Variants in MYH9 observed in about 807,000 individuals in gnomAD.
MYH9 encodes myosin-9.
In MYH9, 29 loss-of-function variants were observed where a neutral mutation model predicts 241.9. That is an observed-to-expected ratio of 0.12 (90% CI 0.09 to 0.16). MYH9 has a LOEUF of 0.16. Ranked by LOEUF, MYH9 falls within the 10% of genes least tolerant of loss-of-function variation. The pLI, the probability that MYH9 is intolerant of heterozygous loss-of-function variation, is 1.00. For missense variants in MYH9, 1,803 were observed against 2,595.5 expected (o/e 0.69, Z 6.63); for synonymous variants, 1,047 against 1,062.6 (o/e 0.99, Z 0.29).
chr22:36,354,712 G>A lies in MYH9; in HGVS notation c.-19-5457C>T, dbSNP rs541828806. The stretch of plus-strand genomic sequence containing the variant: ...GCCTGCCTCGGCCTCCCAAAGTGCT[G>A]GGCTTACAGGCGTGAGCCACCGCAC... On this transcript the variant is annotated intron_variant, in intron 1 of 40. Transcript: ENST00000216181. Among the ~76,000 whole-genome samples the A allele has an allele frequency of 2.1e-3, 326 of 152,034 alleles. 6 individuals carry two copies. The highest frequency in any genetic ancestry group is 9.7e-4 in the East Asian group (5 of 5,170).
intron 35 of MYH9, 77 bp from the exon 36 acceptor site, chr22:36,286,030 TC>T: frequency 1.3e-6 from 2 of 1,529,814 alleles, no homozygotes; most frequent in Non-Finnish European, 8.9e-7. Context: ...CCAGGCACCC[TC>T]CCCTCAAGCC....
chr22:36,320,918 A>G lies in MYH9; in HGVS notation c.770-22T>C, dbSNP rs1305563052. The G allele has an allele frequency of 1.2e-6, 2 of 1,603,642 alleles. No homozygotes were observed. The highest frequency in any genetic ancestry group is 2.7e-5 in the African/African-American group (2 of 74,622). Reference sequence around the variant, plus strand: ...AGATCTTTGCAAATATTAAGGAGCAACACAAGCTGGGGAGAAGGCAAGCCC... The same window carrying G: ...AGATCTTTGCAAATATTAAGGAGCAGCACAAGCTGGGGAGAAGGCAAGCCC... On this transcript the variant is annotated intron_variant, in intron 7 of 40. Coordinates refer to ENST00000216181, the MANE Select transcript of MYH9 (RefSeq NM_002473.6). This position sits in a 1 kb window ranked among gnomAD's most constrained non-coding sequence, Gnocchi z 4.8.
intron 1 of MYH9, among the ~76,000 whole-genome samples, chr22:36,356,757 G>A (rs912030874): frequency 6.6e-6 from 1 of 152,176 alleles, no homozygotes; most frequent in Non-Finnish European, 1.5e-5. Context: ...GAGGTCGCGC[G>A]GCAGGACGGA....
intron 1 of MYH9, among the ~76,000 whole-genome samples, chr22:36,354,788 C>T (rs189010866): frequency 4.0e-5 from 6 of 151,884 alleles, no homozygotes; most frequent in African/African-American, 9.7e-5. Context: ...AGTGGAGTTA[C>T]GGGAGAAAAG....
intron 19 of MYH9, among the ~76,000 whole-genome samples, 180 bp downstream of exon 19, chr22:36,303,798 AAAAAAGAAAAAAAAAAG>A (rs2016925988): frequency 1.3e-5 from 2 of 151,550 alleles, no homozygotes; most frequent in African/African-American, 4.8e-5. Flanking sequence ...AAAAAAAAAA[AAAAAAGAAAAAAAAAAG>A]AACTGCCCGA....
rs1291405283 is a variant in MYH9 at position 36,285,363 on chromosome 22, C to A, written c.5275-34G>T. ...GAAGGGCCAGTGACCTTGGGGAGGG[C>A]TGGGGCCCTGGCTGGAGGGCATGAG... On this transcript the variant is annotated intron_variant, in intron 37 of 40. Transcript: ENST00000216181. This position sits in a 1 kb window ranked among gnomAD's most constrained non-coding sequence, Gnocchi z 7.0. 1 of 1,598,710 alleles carries A rather than the reference C, an allele frequency of 6.3e-7. No individual in the cohort carries two copies. The highest frequency in any genetic ancestry group is 1.7e-5 in the Admixed American group (1 of 60,012).
intron 35 of MYH9, among the ~76,000 whole-genome samples, chr22:36,286,231 C>T (rs2016578153): frequency 6.6e-6 from 1 of 152,222 alleles, no homozygotes; most frequent in South Asian, 2.1e-4. Context: ...CCAGGGAGAC[C>T]ACGTGGACAG....
chr22:36,321,213 G>A (rs1283507929), intron 7 of MYH9, among the ~76,000 whole-genome samples: 1 of 152,180 alleles, frequency 6.6e-6, no homozygotes, highest in African/African-American at 2.4e-5. Context: ...CCAAAGTGTT[G>A]GGATTACAGG....
At position 36,322,813 on chromosome 22, in the gene MYH9, G is replaced by A. The variant is rs2071731; in HGVS notation, c.613-292C>T. Among the ~76,000 whole-genome samples, 51,214 of 152,114 alleles carry A rather than the reference G, an allele frequency of 0.34. 9,542 individuals are homozygous for A. Among genetic ancestry groups the A allele is most frequent in the East Asian group, 0.83 (4,277 of 5,182 alleles). ...CAGCTCTAGGAACCTGGCCCTGGAC[G>A]ACCCATGTGAAAGCAGCACTTAAAC... On this transcript the variant is annotated intron_variant, in intron 5 of 40. Coordinates refer to ENST00000216181, the MANE Select transcript of MYH9 (RefSeq NM_002473.6).
intron 5 of MYH9, among the ~76,000 whole-genome samples, chr22:36,323,572 G>C (rs2146366402): frequency 6.6e-6 from 1 of 152,306 alleles, no homozygotes; most frequent in African/African-American, 2.4e-5. Flanking sequence ...AGAACTAGGA[G>C]GAGTAGGAGC....
In MYH9 at chr22:36,289,307, A is replaced by G. The variant is rs932069644; in HGVS notation, c.4345-10T>C. On this transcript the variant is annotated splice_polypyrimidine_tract_variant and intron_variant, in intron 31 of 40. Transcript: ENST00000216181. ...TCTCCTCCGCCAGGAGCTGGGAAAG[A>G]GGTGGGCACCATGAGGCTCAGAGCT... 4 of 1,603,468 alleles carry G rather than the reference A, an allele frequency of 2.5e-6. No individual in the cohort carries two copies. In the Admixed American group the frequency reaches 5.1e-5, roughly 20 times the overall value.
intron 40 of MYH9, 109 bp from the exon 41 acceptor site, chr22:36,282,894 G>C: frequency 2.0e-6 from 2 of 980,238 alleles, no homozygotes; most frequent in South Asian, 3.1e-5. Context: ...CCAGGTGCCT[G>C]GCTGCTCCCA....
intron 23 of MYH9, among the ~76,000 whole-genome samples, chr22:36,299,458 C>T (rs1054459249): frequency 9.9e-5 from 15 of 152,196 alleles, no homozygotes; most frequent in Non-Finnish European, 1.6e-4. Context: ...TTCAGCCCCG[C>T]GGTGCCCCGG....
intron 1 of MYH9, among the ~76,000 whole-genome samples, chr22:36,382,487 A>G (rs1307904595): frequency 1.3e-5 from 2 of 150,310 alleles, no homozygotes; most frequent in Non-Finnish European, 3.0e-5. Flanking sequence ...AAAACAAAAA[A>G]AAGAGTGCCT....
chr22:36,315,478 T>G (rs1027653575), intron 12 of MYH9, among the ~76,000 whole-genome samples: 3 of 152,134 alleles, frequency 2.0e-5, no homozygotes, highest in Non-Finnish European at 4.4e-5. Context: ...CAGGGAATAT[T>G]TGCTGGAAGA....
chr22:36,318,004 C>G (rs2017186294), intron 11 of MYH9, among the ~76,000 whole-genome samples: 1 of 152,262 alleles, frequency 6.6e-6, no homozygotes, highest in African/African-American at 2.4e-5. Context: ...GGGCGTGAAG[C>G]CTTGAGTGTG....
chr22:36,292,733 A>C (rs150315157), intron 30 of MYH9, among the ~76,000 whole-genome samples: 245 of 152,370 alleles, frequency 1.6e-3, no homozygotes, highest in African/African-American at 5.3e-3. Context: ...GATCTAGAGC[A>C]GGGGCTCTGA....
rs746721181 is a variant in MYH9 at position 36,301,618 on chromosome 22, G to A, written c.2547C>T (p.Ala849=). 6.2e-7 allele frequency: 1 copy of A among 1,613,902 alleles called. No individual in the cohort carries two copies. The highest frequency in any genetic ancestry group is 1.1e-5 in the South Asian group (1 of 91,086). ...QVSRQEEEMM[A]KEEELVKVRE... ...TGACCTTCACCAGCTCCTCCTCCTT[G>A]GCCATCATCTCCTCCTCCTGCCGGC... Residue 849 remains alanine (A), a synonymous_variant, in exon 21 of 41, where the codon GCC becomes GCT. Coordinates refer to ENST00000216181, the MANE Select transcript of MYH9 (RefSeq NM_002473.6).
chr22:36,321,925 CT>C, intron 6 of MYH9, 104 bp from the exon 7 acceptor site: 3 of 1,050,036 alleles, frequency 2.9e-6, no homozygotes. Context: ...GTGGGCACAG[CT>C]TGGAGGGAGA....
Sources: allele counts gnomAD v4.1 joint callset (sites outside exome capture counted in the v4.1 genomes callset), GRCh38; gene constraint gnomAD v4.1.1; non-coding constraint Gnocchi (gnomAD v3.1); transcripts MANE v1.5; gene names NCBI Gene and HGNC (gene_info 2026-07-23, HGNC 2026-07-21).